The following PRICKLE1 variants were observed in gnomAD, a reference collection of about 807,000 sequenced individuals.
PRICKLE1 encodes prickle planar cell polarity protein 1, also known as prickle-like protein 1.
PRICKLE1 carries 14 observed loss-of-function variants against 70.2 expected under a neutral mutation model. The ratio of observed to expected loss-of-function variants is 0.20; its 90% CI spans 0.13 to 0.31. The LOEUF (loss-of-function observed/expected upper bound fraction) is 0.31, where lower values mean the gene tolerates loss of function less well. PRICKLE1 is among the 10% of genes least tolerant of loss of function. The pLI, the probability that PRICKLE1 is intolerant of heterozygous loss-of-function variation, is 1.00. For synonymous variants in PRICKLE1, 357 were observed against 379.9 expected (o/e 0.94, Z 0.70); for missense variants, 821 against 1,026.2 (o/e 0.80, Z 2.73).
chr12:42,563,861 T>C (rs1167357004), intron 1 of PRICKLE1, among the ~76,000 whole-genome samples: 1 of 151,750 alleles, frequency 6.6e-6, no homozygotes, highest in African/African-American at 2.4e-5. Flanking sequence ...GTACAATGGG[T>C]ACAGTTAATG....
At chr12:42,489,143 G>A (rs1245466569) in intron 1 of PRICKLE1, among the ~76,000 whole-genome samples, 9 of 150,214 alleles carry the variant, frequency 6.0e-5, no homozygotes, top group African/African-American at 4.9e-5. Flanking sequence ...GACTGGTCTC[G>A]AACTCCTGAC....
chr12:42,555,228 T>C (rs574914329), intron 1 of PRICKLE1, among the ~76,000 whole-genome samples: 1 of 152,224 alleles, frequency 6.6e-6, no homozygotes, highest in African/African-American at 2.4e-5. Flanking sequence ...CACTTGATCC[T>C]GGGAGGCAGA....
intron 1 of PRICKLE1, among the ~76,000 whole-genome samples, chr12:42,578,925 C>A (rs1373452338): frequency 6.6e-6 from 1 of 152,028 alleles, no homozygotes; most frequent in African/African-American, 2.4e-5. Flanking sequence ...CCACGCCAGG[C>A]TAATTTTTTG....
intron 1 of PRICKLE1, among the ~76,000 whole-genome samples, chr12:42,548,125 A>T (rs1226215128): frequency 6.6e-6 from 1 of 151,990 alleles, no homozygotes; most frequent in Non-Finnish European, 1.5e-5. Context: ...GGCTTACGAG[A>T]TTCTCCTGCC....
At chr12:42,524,152 A>G (rs1322003649) in intron 1 of PRICKLE1, among the ~76,000 whole-genome samples, 1 of 152,244 alleles carries the variant, frequency 6.6e-6, no homozygotes, top group Non-Finnish European at 1.5e-5. Context: ...CAGCAGCTCT[A>G]CAAAGTGTTG....
chr12:42,542,809 C>T (rs968223394), intron 1 of PRICKLE1, among the ~76,000 whole-genome samples: 6 of 152,174 alleles, frequency 3.9e-5, no homozygotes, highest in Non-Finnish European at 7.4e-5. Context: ...TGGTTGTTTA[C>T]GTTAACTTCT....
chr12:42,486,944 T>C (rs776573629), intron 1 of PRICKLE1, among the ~76,000 whole-genome samples: 5 of 152,158 alleles, frequency 3.3e-5, no homozygotes, highest in Non-Finnish European at 7.4e-5. Flanking sequence ...AGATGTAGTA[T>C]TAAATAGGGT....
Position 42,468,734 on chromosome 12 carries a change from C to G in PRICKLE1, c.480G>C (p.Thr160=), listed in dbSNP as rs376385820. 1 of 1,614,120 alleles carries G rather than the reference C, an allele frequency of 6.2e-7. No individual in the cohort carries two copies. The highest frequency in any genetic ancestry group is 1.1e-5 in the South Asian group (1 of 91,088). The change falls in exon 5 of 8, where the codon ACG becomes ACC. Residue 160 remains threonine (T), a synonymous_variant. Coordinates refer to ENST00000345127, the MANE Select transcript of PRICKLE1 (RefSeq NM_153026.3). ...TGAGGTCGACCAGCAGCTCATTACACGTGAAACAGACAAAACAGGATGGGT... is the reference window on the plus strand; with the variant it reads ...TGAGGTCGACCAGCAGCTCATTACAGGTGAAACAGACAAAACAGGATGGGT... ...CWHPSCFVCF[T]CNELLVDLIY...
rs1050676893 is a variant in PRICKLE1 at position 42,543,330 on chromosome 12, G to A, written c.-49+46135C>T. Reference sequence around the variant, plus strand: ...CTTGAACAATGTAGGTGTTAGGGGCGCTGACTTCCTGAGCAGCCACAAATT... The same window carrying A: ...CTTGAACAATGTAGGTGTTAGGGGCACTGACTTCCTGAGCAGCCACAAATT... On this transcript the variant is annotated intron_variant, in intron 1 of 7. Transcript: ENST00000345127. Among the ~76,000 whole-genome samples the A allele has an allele frequency of 4.2e-4, 64 of 151,740 alleles. No individual in the cohort carries two copies. In the Middle Eastern group the frequency reaches 0.01, roughly 24 times the overall value.
intron 1 of PRICKLE1, among the ~76,000 whole-genome samples, chr12:42,488,129 C>T (rs1389149816): frequency 6.6e-6 from 1 of 152,166 alleles, no homozygotes; most frequent in Non-Finnish European, 1.5e-5. Flanking sequence ...TGGCTTCCTC[C>T]TGACACTCTC....
Position 42,516,288 on chromosome 12 carries a change from C to T in PRICKLE1, c.-48-43724G>A, listed in dbSNP as rs146678382. The stretch of plus-strand genomic sequence containing the variant: ...CTGGGACTACAGGTGCCCACCACCA[C>T]GCCTGGCTAAGTTTTTGTATTTTTT... On this transcript the variant is annotated intron_variant, in intron 1 of 7. Coordinates refer to ENST00000345127, the MANE Select transcript of PRICKLE1 (RefSeq NM_153026.3). Among the ~76,000 whole-genome samples, 840 of 152,188 alleles carry T rather than the reference C, an allele frequency of 5.5e-3. 4 individuals are homozygous for T. Among genetic ancestry groups the T allele is most frequent in the Non-Finnish European group, 8.1e-3 (549 of 68,010 alleles).
chr12:42,549,922 C>G (rs539860635), intron 1 of PRICKLE1, among the ~76,000 whole-genome samples: 2 of 152,234 alleles, frequency 1.3e-5, no homozygotes, highest in African/African-American at 4.8e-5. Context: ...CTTGCACACA[C>G]TCTTCCCTCT....
At chr12:42,476,958 A>G (rs558643099) in intron 1 of PRICKLE1, among the ~76,000 whole-genome samples, 1 of 152,158 alleles carries the variant, frequency 6.6e-6, no homozygotes, top group South Asian at 2.1e-4. Context: ...CTTCTTTCTT[A>G]TTTTTAAAGA....
intron 1 of PRICKLE1, among the ~76,000 whole-genome samples, chr12:42,559,244 G>A (rs2120692233): frequency 6.6e-6 from 1 of 152,258 alleles, no homozygotes; most frequent in East Asian, 1.9e-4. Flanking sequence ...CATTTGAACT[G>A]TCAGAGACCT....
intron 1 of PRICKLE1, among the ~76,000 whole-genome samples, chr12:42,539,249 C>T (rs945825688): frequency 8.5e-5 from 13 of 152,082 alleles, no homozygotes; most frequent in Non-Finnish European, 1.8e-4. Context: ...GGGTGGATCA[C>T]GAGGTCAGGA....
intron 1 of PRICKLE1, among the ~76,000 whole-genome samples, chr12:42,538,047 G>A (rs552483249): frequency 6.6e-6 from 1 of 152,226 alleles, no homozygotes; most frequent in Admixed American, 6.5e-5. Flanking sequence ...GCTGGGTGTG[G>A]CTCACATCTG....
intron 7 of PRICKLE1, among the ~76,000 whole-genome samples, chr12:42,462,571 C>T (rs1002875258): frequency 1.2e-4 from 18 of 152,130 alleles, no homozygotes; most frequent in African/African-American, 4.3e-4. Context: ...AAGGTGCTTA[C>T]TCAGTCTCAC....
chr12:42,490,293 T>C (rs974994241), intron 1 of PRICKLE1, among the ~76,000 whole-genome samples: 2 of 152,112 alleles, frequency 1.3e-5, no homozygotes, highest in Non-Finnish European at 2.9e-5. Flanking sequence ...ATGGAATGGG[T>C]TTGGGACAGG....
rs146650383 is a variant in PRICKLE1 at position 42,468,779 on chromosome 12, C to T, written c.435G>A (p.Ala145=). The change falls in exon 5 of 8, where the codon GCG becomes GCA. Residue 145 remains alanine, a synonymous_variant. Transcript: ENST00000345127. ...GGEVAVFASR[A]GPGVCWHPSC... ...ATGGGTGCCAGCACACACCAGGGCC[C>T]GCACGGGAGGCGAACACTGCAACTT... 2.5e-5 allele frequency: 40 copies of T among 1,614,088 alleles called. No individual in the cohort carries two copies. Among genetic ancestry groups the T allele is most frequent in the South Asian group, 1.4e-4 (13 of 91,072 alleles).
Sources: gnomAD v4.1 joint callset for allele counts (sites outside exome capture counted in the v4.1 genomes callset) on GRCh38, gnomAD v4.1.1 for gene constraint, MANE v1.5 for transcripts, NCBI Gene and HGNC (gene_info 2026-07-23, HGNC 2026-07-21) for gene names.